ELK3: variants seen among roughly 807,000 people sequenced by gnomAD.
ELK3 encodes the protein ETS domain-containing protein Elk-3.
A neutral mutation model predicts 28.9 loss-of-function variants in ELK3; 10 were observed. The observed-to-expected ratio is 0.35, with a 90% CI of 0.21 to 0.59. The LOEUF (loss-of-function observed/expected upper bound fraction) is 0.59. ELK3 is among the 20% of genes least tolerant of loss of function. The pLI is 0.82. For missense variants in ELK3, 463 were observed against 517.3 expected, an observed-to-expected ratio of 0.90 and a Z score of 1.02; for synonymous variants, 272 against 243.5, an observed-to-expected ratio of 1.12 and a Z score of -1.09.
chr12:96,233,960 A>G (rs983955224), intron 2 of ELK3, among the ~76,000 whole-genome samples: 5 of 152,188 alleles, frequency 3.3e-5, no homozygotes, highest in African/African-American at 9.7e-5. Context: ...ACAGATGGCA[A>G]TGGGCTATTG....
chr12:96,201,979 ACTGT>A (rs1325270580), intron 1 of ELK3, among the ~76,000 whole-genome samples: 2 of 152,152 alleles, frequency 1.3e-5, no homozygotes, highest in Non-Finnish European at 2.9e-5. Context: ...GACATCAGTG[ACTGT>A]CTGAGTTGGT....
intron 2 of ELK3, among the ~76,000 whole-genome samples, chr12:96,239,297 TG>T (rs1245874764): frequency 6.6e-6 from 1 of 152,170 alleles, no homozygotes; most frequent in East Asian, 1.9e-4. Context: ...TTTAAAATAA[TG>T]GAATTATTCA....
At chr12:96,218,231 C>T (rs1951634346) in intron 1 of ELK3, among the ~76,000 whole-genome samples, 1 of 152,070 alleles carries the variant, frequency 6.6e-6, no homozygotes, top group Non-Finnish European at 1.5e-5. Flanking sequence ...ACGGGAAGGC[C>T]CTGCAGGCTG....
At chr12:96,230,710 G>T (rs568811226) in intron 2 of ELK3, among the ~76,000 whole-genome samples, 1 of 152,284 alleles carries the variant, frequency 6.6e-6, no homozygotes, top group South Asian at 2.1e-4. Flanking sequence ...AAGAAAAGGC[G>T]ACCCTGGGGG....
rs1006237931 is a variant in ELK3, at chr12:96,267,429, T to C, written c.*249T>C. On this transcript the variant is annotated 3_prime_UTR_variant, in exon 5 of 5. Coordinates refer to ENST00000228741, the MANE Select transcript of ELK3 (RefSeq NM_005230.4). Reference sequence around the variant, plus strand: ...TTTGTTTTTATATCCTTTTAGCTCTTAAGTGTTGAACACTGTTGACAGTGA... The same window carrying C: ...TTTGTTTTTATATCCTTTTAGCTCTCAAGTGTTGAACACTGTTGACAGTGA... 2.8e-6 allele frequency: 1 copy of C among 361,056 alleles called. No homozygotes were observed. The highest frequency in any genetic ancestry group is 5.1e-6 in the Non-Finnish European group (1 of 194,516). 22.4% of individuals were successfully genotyped at this position (361,056 alleles called of 1,614,324 possible).
intron 1 of ELK3, among the ~76,000 whole-genome samples, chr12:96,217,535 C>T (rs1448594707): frequency 1.3e-5 from 2 of 152,182 alleles, no homozygotes; most frequent in East Asian, 1.9e-4. Flanking sequence ...ATAACGTCTG[C>T]CTGGTTCCCT....
At chr12:96,220,382 ATT>A (rs35309478) in intron 1 of ELK3, among the ~76,000 whole-genome samples, 27,683 of 99,196 alleles carry the variant, frequency 0.28, 2,581 homozygotes, top group East Asian at 0.51. Context: ...CTTTTTCGTG[ATT>A]TTTTTTTTTT....
Position 96,247,462 on chromosome 12 carries a change from C to T in ELK3, c.730C>T (p.Pro244Ser). 1 of 1,614,148 alleles carries T rather than the reference C, an allele frequency of 6.2e-7. No individual in the cohort carries two copies. The highest frequency in any genetic ancestry group is 8.5e-7 in the Non-Finnish European group (1 of 1,180,024). ...CGCCTCACCCTTCTCATCTCGGTCCCCGTCCCTGTCCCCCAACTCACCCCT... is the reference window on the plus strand; with the variant it reads ...CGCCTCACCCTTCTCATCTCGGTCCTCGTCCCTGTCCCCCAACTCACCCCT... The part of the protein sequence containing the change: ...SSASPFSSRS[P>S]SLSPNSPLPS... The change falls in exon 3 of 5, where the codon CCG (proline) becomes TCG (serine). Residue 244 changes from proline to serine, a missense_variant. Physicochemically the swap from Pro to Ser is moderately conservative, Grantham distance 74. This residue lies in a region of ELK3 where 408 missense variants were observed against 414.8 expected (regional missense o/e 0.98). Coordinates refer to ENST00000228741, the MANE Select transcript of ELK3 (RefSeq NM_005230.4). This position sits in a 1 kb window ranked among gnomAD's most constrained non-coding sequence, Gnocchi z 5.5.
At chr12:96,226,180 C>T (rs1951697777) in intron 2 of ELK3, among the ~76,000 whole-genome samples, 1 of 152,026 alleles carries the variant, frequency 6.6e-6, no homozygotes, top group South Asian at 2.1e-4. Context: ...CTGAAAAATC[C>T]CAGCAAACGA....
chr12:96,196,222 A>G (rs1767448899), intron 1 of ELK3, among the ~76,000 whole-genome samples: 1 of 152,156 alleles, frequency 6.6e-6, no homozygotes, highest in Non-Finnish European at 1.5e-5. Context: ...GAGACAAGTT[A>G]TGGCTTTATT....
intron 1 of ELK3, among the ~76,000 whole-genome samples, chr12:96,198,867 A>G (rs1430074571): frequency 6.6e-6 from 1 of 152,220 alleles, no homozygotes; most frequent in Non-Finnish European, 1.5e-5. Flanking sequence ...TTTTCACTTA[A>G]CATGTAACAC....
intron 1 of ELK3, among the ~76,000 whole-genome samples, chr12:96,199,114 A>G (rs1951492204): frequency 6.6e-6 from 1 of 152,188 alleles, no homozygotes; most frequent in Non-Finnish European, 1.5e-5. Context: ...AGGATGAGTC[A>G]TGATTTGCAG....
chr12:96,244,028 T>C (rs1456104015), intron 2 of ELK3, among the ~76,000 whole-genome samples: 43 of 149,520 alleles, frequency 2.9e-4, no homozygotes, highest in Non-Finnish European at 4.5e-5. Flanking sequence ...AAAAAAAATC[T>C]ATGATTCTGT....
chr12:96,231,762 G>A (rs1592680593), intron 2 of ELK3, among the ~76,000 whole-genome samples: 1 of 152,178 alleles, frequency 6.6e-6, no homozygotes, highest in African/African-American at 2.4e-5. Context: ...GGGATTGCAG[G>A]CATGAGCCAC....
chr12:96,247,641 G>T lies in ELK3; in HGVS notation c.909G>T (p.Pro303=), dbSNP rs745501378. Reference sequence around the variant, plus strand: ...AAGGCTTGGAAATCTCAGCGCCCCCGCTGGTGCTCTCCGGCACCGACATCG... The same window carrying T: ...AAGGCTTGGAAATCTCAGCGCCCCCTCTGGTGCTCTCCGGCACCGACATCG... ...KPKGLEISAP[P]LVLSGTDIGS... Residue 303 remains proline, a synonymous_variant, in exon 3 of 5, where the codon CCG becomes CCT. Coordinates refer to ENST00000228741, the MANE Select transcript of ELK3 (RefSeq NM_005230.4). This position sits in a 1 kb window ranked among gnomAD's most constrained non-coding sequence, Gnocchi z 5.5. 6.2e-7 allele frequency: 1 copy of T among 1,612,756 alleles called. No homozygotes were observed. The highest frequency in any genetic ancestry group is 1.3e-5 in the African/African-American group (1 of 74,910).
intron 2 of ELK3, among the ~76,000 whole-genome samples, chr12:96,237,809 T>C (rs1951795239): frequency 6.6e-6 from 1 of 152,124 alleles, no homozygotes; most frequent in Admixed American, 6.5e-5. Flanking sequence ...ACAAAAACAA[T>C]GTTTGCTGAA....
chr12:96,198,639 G>T (rs1187172504), intron 1 of ELK3, among the ~76,000 whole-genome samples: 1 of 151,762 alleles, frequency 6.6e-6, no homozygotes, highest in African/African-American at 2.4e-5. Context: ...AAGGTTGGTT[G>T]TTTTTTTTCC....
chr12:96,259,549 G>C (rs1951977596), intron 3 of ELK3, among the ~76,000 whole-genome samples, 182 bp from the exon 4 acceptor site: 1 of 152,110 alleles, frequency 6.6e-6, no homozygotes, highest in Admixed American at 6.6e-5. Context: ...GTCTCCAAAA[G>C]AAAAGAAAAT....
At chr12:96,226,605 T>C (rs546572941) in intron 2 of ELK3, among the ~76,000 whole-genome samples, 42 of 149,546 alleles carry the variant, frequency 2.8e-4, no homozygotes, top group Middle Eastern at 3.4e-3. Context: ...CACACACACA[T>C]ATGCCCACAT....
Sources: allele counts gnomAD v4.1 joint callset (sites outside exome capture counted in the v4.1 genomes callset), GRCh38; gene constraint gnomAD v4.1.1; regional missense constraint gnomAD v4.1.1; non-coding constraint Gnocchi (gnomAD v3.1); transcripts MANE v1.5; gene names NCBI Gene and HGNC (gene_info 2026-07-23, HGNC 2026-07-21).